Variants in EXOC6B observed in about 807,000 individuals in gnomAD.
The protein encoded by EXOC6B is SEC15 homolog B.
EXOC6B carries 54 observed loss-of-function variants against 113.5 expected under a neutral mutation model. The observed-to-expected ratio is 0.48, with a 90% CI of 0.38 to 0.60. The LOEUF is 0.60. EXOC6B is among the 20% of genes least tolerant of loss of function. EXOC6B has a pLI of 0.00. For synonymous variants in EXOC6B, 357 were observed against 339.0 expected, an observed-to-expected ratio of 1.05 and a Z score of -0.58; for missense variants, 797 against 977.5, an observed-to-expected ratio of 0.82 and a Z score of 2.46.
chr2:72,328,519 G>T (rs1465770205), intron 20 of EXOC6B, among the ~76,000 whole-genome samples: 1 of 152,090 alleles, frequency 6.6e-6, no homozygotes, highest in Non-Finnish European at 1.5e-5. Context: ...CTCCATAAAG[G>T]TAAGGGCCTG....
Position 72,650,602 on chromosome 2 carries a change from GAAAAGAAAAGAAAAAA to G in EXOC6B, c.669+67485_669+67500del, listed in dbSNP as rs1178523100. Reference sequence around the variant, plus strand: ...GAGGTAGACTCCGTCTGAAAGAAAGGAAAAGAAAAGAAAAAAAAAAGAAAAGAAAAGAGAAAAGAAA... The same window carrying G: ...GAGGTAGACTCCGTCTGAAAGAAAGGAAAAGAAAAGAAAAGAGAAAAGAAA... On this transcript the variant is annotated intron_variant, in intron 6 of 21. Transcript: ENST00000272427. Among the ~76,000 whole-genome samples, 42 of 30,608 alleles carry G rather than the reference GAAAAGAAAAGAAAAAA, an allele frequency of 1.4e-3. No homozygotes were observed. The South Asian group carries it at 0.036, about 26-fold the overall frequency. The allele number at this position is 30,608 out of a possible 152,430, so 20.1% of individuals were successfully genotyped here. A position where few individuals can be genotyped will look rare whatever the true frequency, so the allele number is the denominator to read the frequency against.
intron 6 of EXOC6B, among the ~76,000 whole-genome samples, chr2:72,618,763 T>C (rs1325403741): frequency 6.6e-6 from 1 of 152,210 alleles, no homozygotes; most frequent in Non-Finnish European, 1.5e-5. Context: ...ACTCATCCCC[T>C]TCTTAACCTG....
At chr2:72,260,480 T>A (rs1683647346) in intron 20 of EXOC6B, among the ~76,000 whole-genome samples, 1 of 152,208 alleles carries the variant, frequency 6.6e-6, no homozygotes, top group African/African-American at 2.4e-5. Flanking sequence ...GCAACTGATT[T>A]AAAATATGTC....
intron 8 of EXOC6B, among the ~76,000 whole-genome samples, chr2:72,530,510 C>T (rs1271838963): frequency 6.6e-6 from 1 of 152,056 alleles, no homozygotes. Context: ...TATGCTCTGA[C>T]TTAGTATGTT....
intron 20 of EXOC6B, among the ~76,000 whole-genome samples, chr2:72,314,777 C>T (rs1687411010): frequency 6.6e-6 from 1 of 152,138 alleles, no homozygotes; most frequent in African/African-American, 2.4e-5. Flanking sequence ...CAATTCATGC[C>T]TAAAGTTTAT....
intron 8 of EXOC6B, among the ~76,000 whole-genome samples, chr2:72,540,623 A>G (rs1481483323): frequency 2.0e-5 from 3 of 152,202 alleles, no homozygotes; most frequent in Non-Finnish European, 2.9e-5. Context: ...AATTTTGTCA[A>G]TGGACCCAAA....
chr2:72,548,343 C>T (rs1703020132), intron 8 of EXOC6B, among the ~76,000 whole-genome samples: 1 of 152,014 alleles, frequency 6.6e-6, no homozygotes, highest in Non-Finnish European at 1.5e-5. Context: ...TTCAAATAAT[C>T]CTTTGGGAAT....
At chr2:72,568,780 G>A (rs973380463) in intron 7 of EXOC6B, among the ~76,000 whole-genome samples, 3 of 152,082 alleles carry the variant, frequency 2.0e-5, no homozygotes, top group Non-Finnish European at 4.4e-5. Context: ...TTGGCAAGAA[G>A]AAGGGGGTAA....
intron 16 of EXOC6B, among the ~76,000 whole-genome samples, chr2:72,482,898 T>C (rs917984999): frequency 6.6e-6 from 1 of 152,170 alleles, no homozygotes; most frequent in Non-Finnish European, 1.5e-5. Flanking sequence ...GCGATACAAT[T>C]CGAATAAATT....
chr2:72,654,054 C>T (rs1340005404), intron 6 of EXOC6B, among the ~76,000 whole-genome samples: 1 of 151,552 alleles, frequency 6.6e-6, no homozygotes, highest in Admixed American at 6.6e-5. Context: ...ACTGCAAGCT[C>T]CACCTCCTGG....
intron 6 of EXOC6B, among the ~76,000 whole-genome samples, chr2:72,626,321 T>A (rs754370732): frequency 1.3e-5 from 2 of 151,936 alleles, no homozygotes; most frequent in Non-Finnish European, 2.9e-5. Context: ...GTATTTGGAG[T>A]TCATCTGAAA....
intron 14 of EXOC6B, among the ~76,000 whole-genome samples, chr2:72,495,951 T>C (rs371886074): frequency 6.6e-6 from 1 of 152,262 alleles, no homozygotes; most frequent in East Asian, 1.9e-4. Context: ...TCTGCTGTCC[T>C]GGGGCTGGGT....
At chr2:72,580,135 ATTTTTTTTTTTT>A (rs1205164863) in intron 6 of EXOC6B, among the ~76,000 whole-genome samples, 1 of 93,766 alleles carries the variant, frequency 1.1e-5, no homozygotes, top group Admixed American at 1.2e-4. Context: ...AGAAATAAGA[ATTTTTTTTTTTT>A]TTTTTTTTTT....
intron 17 of EXOC6B, among the ~76,000 whole-genome samples, chr2:72,471,543 C>T (rs1017950256): frequency 1.3e-5 from 2 of 152,100 alleles, no homozygotes; most frequent in Non-Finnish European, 2.9e-5. Flanking sequence ...TTGCCCATGC[C>T]TATGTCCTGA....
chr2:72,725,039 A>G (rs989161222), intron 5 of EXOC6B, among the ~76,000 whole-genome samples: 11 of 152,232 alleles, frequency 7.2e-5, no homozygotes, highest in African/African-American at 2.7e-4. Flanking sequence ...TCCAGATTTT[A>G]TGAATATTGT....
intron 18 of EXOC6B, among the ~76,000 whole-genome samples, chr2:72,440,875 G>T (rs573016050): frequency 7.9e-5 from 12 of 152,092 alleles, no homozygotes; most frequent in Non-Finnish European, 5.9e-5. Flanking sequence ...AGCAGGGATT[G>T]CTATCCTACT....
At chr2:72,558,037 CAAA>C (rs60676600) in intron 8 of EXOC6B, among the ~76,000 whole-genome samples, 1 of 147,446 alleles carries the variant, frequency 6.8e-6, no homozygotes. Context: ...TTTATAAAAC[CAAA>C]AAAAAAAAAG....
intron 18 of EXOC6B, among the ~76,000 whole-genome samples, chr2:72,406,633 T>C (rs149154912): frequency 0.011 from 1,626 of 152,180 alleles, 15 homozygotes; most frequent in Non-Finnish European, 0.018. Flanking sequence ...AAGGCAGAAA[T>C]AAAGATGTGC....
intron 11 of EXOC6B, among the ~76,000 whole-genome samples, chr2:72,508,781 A>G (rs1700747051): frequency 6.6e-6 from 1 of 152,120 alleles, no homozygotes; most frequent in African/African-American, 2.4e-5. Flanking sequence ...TCAAAAAAGT[A>G]AATAAATAAA....
Sources: allele counts gnomAD v4.1 joint callset (sites outside exome capture counted in the v4.1 genomes callset), GRCh38; gene constraint gnomAD v4.1.1; transcripts MANE v1.5; gene names NCBI Gene and HGNC (gene_info 2026-07-23, HGNC 2026-07-21).